Variants in CYP4A11 observed in about 807,000 individuals in gnomAD.
CYP4A11 encodes the protein cytochrome P450 4A11.
A neutral mutation model predicts 57.7 loss-of-function variants in CYP4A11; 52 were observed. The observed-to-expected ratio is 0.90, with a 90% CI of 0.72 to 1.14. The LOEUF (loss-of-function observed/expected upper bound fraction) is 1.14. CYP4A11 is among the 50% of genes most tolerant of loss of function. The pLI is 0.00. For missense variants in CYP4A11, 641 were observed against 642.1 expected (o/e 1.00, Z 0.02); for synonymous variants, 228 against 247.1 (o/e 0.92, Z 0.72).
chr1:46,932,864 T>C lies in CYP4A11; in HGVS notation c.1288-27A>G, dbSNP rs376514503. 1.6e-5 allele frequency: 26 copies of C among 1,613,954 alleles called. No individual in the cohort carries two copies. The African/African-American group carries it at 3.3e-4, about 21-fold the overall frequency. On this transcript the variant is annotated intron_variant, in intron 10 of 11. Coordinates refer to ENST00000310638, the MANE Select transcript of CYP4A11 (RefSeq NM_000778.4). ...TGCAGAGAGAGCACCAGAGCCAGGA[T>C]AGTTAAGGATCCAGCACCTACTTGC...
intron 1 of CYP4A11, 87 bp from the exon 2 acceptor site, chr1:46,938,224 T>C (rs1001324926): frequency 1.7e-5 from 27 of 1,550,406 alleles, no homozygotes; most frequent in South Asian, 1.1e-4. Flanking sequence ...ACAGGAGCCA[T>C]GTAGCGCAGG....
At chr1:46,941,023 C>T (rs966125532) in intron 1 of CYP4A11, 1 of 982,230 alleles carries the variant, frequency 1.0e-6, no homozygotes, top group Admixed American at 6.1e-5. Flanking sequence ...AGAAGGAGGG[C>T]ACGGGTGATA....
At chr1:46,935,196 C>T (rs753758860) in intron 5 of CYP4A11, 42 bp from the exon 6 acceptor site, 2 of 1,588,838 alleles carry the variant, frequency 1.3e-6, no homozygotes, top group East Asian at 2.2e-5. Flanking sequence ...AGGGGTGGGC[C>T]CATTACCCGG....
At chr1:46,936,472 A>G (rs1273537637) in intron 4 of CYP4A11, among the ~76,000 whole-genome samples, 192 bp downstream of exon 4, 1 of 152,246 alleles carries the variant, frequency 6.6e-6, no homozygotes, top group African/African-American at 2.4e-5. Context: ...AAGCGTGGAT[A>G]TGACCTGATG....
At chr1:46,930,626 G>C (rs4660978) in intron 11 of CYP4A11, among the ~76,000 whole-genome samples, 99,598 of 152,048 alleles carry the variant, frequency 0.66, 34,638 homozygotes, top group Non-Finnish European at 0.79. Flanking sequence ...AATAGATAAA[G>C]AGTTAATCAA....
intron 1 of CYP4A11, among the ~76,000 whole-genome samples, chr1:46,938,542 G>T (rs994865034): frequency 4.6e-5 from 7 of 152,124 alleles, no homozygotes; most frequent in African/African-American, 1.4e-4. Flanking sequence ...AATCATACTT[G>T]TTATATTTTC....
chr1:46,935,536 T>G lies in CYP4A11; in HGVS notation c.622A>C (p.Ile208Leu), dbSNP rs551730881. ...GTTGTCACTGACCTGTCCACCTGGA[T>G]GCTGCCCTGATGGCTGAAGGCACAC... is the stretch of plus-strand genomic sequence containing the variant. ...MKCAFSHQGS[I>L]QVDRNSQSYI... Residue 208 changes from isoleucine to leucine, a missense_variant, in exon 5 of 12, where the codon ATC becomes CTC. Ile to Leu is a conservative substitution (Grantham distance 5). Transcript: ENST00000310638. The G allele has an allele frequency of 6.2e-7, 1 of 1,613,958 alleles. No homozygotes were observed. Among genetic ancestry groups the G allele is most frequent in the Admixed American group, 1.7e-5 (1 of 60,020 alleles).
At chr1:46,932,225 T>C (rs1346796279) in intron 11 of CYP4A11, 8 of 997,712 alleles carry the variant, frequency 8.0e-6, no homozygotes, top group African/African-American at 1.7e-5. Context: ...AGGGCTACCT[T>C]AACCTCTCCC....
rs146269651 is a variant in CYP4A11, at chr1:46,936,746, C to T, written c.428G>A (p.Arg143Gln). 2.9e-5 allele frequency: 47 copies of T among 1,613,514 alleles called. No homozygotes were observed. In the African/African-American group the frequency reaches 3.6e-4, roughly 12 times the overall value. The change falls in exon 4 of 12, where the codon CGA becomes CAA. Residue 143 changes from arginine (R) to glutamine (Q), a missense_variant. Arg to Gln is a conservative substitution (Grantham distance 43). Coordinates refer to ENST00000310638, the MANE Select transcript of CYP4A11 (RefSeq NM_000778.4). Reference sequence around the variant, plus strand: ...GTGGAAGGCTGGGGTCAGCATCCGTCGATGCTGGAACCATGTCTGCCCATT... The same window carrying T: ...GTGGAAGGCTGGGGTCAGCATCCGTTGATGCTGGAACCATGTCTGCCCATT... Reference protein sequence around the residue: ...LLNGQTWFQHRRMLTPAFHYD... With the variant: ...LLNGQTWFQHQRMLTPAFHYD...
chr1:46,929,954 G>A lies in CYP4A11; in HGVS notation c.*161C>T, dbSNP rs1680908540. 7 of 1,016,352 alleles carry A rather than the reference G, an allele frequency of 6.9e-6. No individual in the cohort carries two copies. In the South Asian group the frequency reaches 1.1e-4, roughly 16 times the overall value. The allele number at this position is 1,016,352 out of a possible 1,614,324, so 63.0% of individuals were successfully genotyped here. A position where few individuals can be genotyped will look rare whatever the true frequency, so the allele number is the denominator to read the frequency against. On this transcript the variant is annotated 3_prime_UTR_variant, in exon 12 of 12. Coordinates refer to ENST00000310638, the MANE Select transcript of CYP4A11 (RefSeq NM_000778.4). ...GGGTAGGAGACAGGTAGACAAGCAG[G>A]TAGGGAGCCTGGAGAAAGGTGAGAG...
In CYP4A11 at chr1:46,939,873, G is replaced by A. The variant is rs1377732082; in HGVS notation, c.195+1366C>T. Among the ~76,000 whole-genome samples, 3 of 145,542 alleles carry A rather than the reference G, an allele frequency of 2.1e-5. 1 individual carries two copies. Among genetic ancestry groups the A allele is most frequent in the African/African-American group, 7.8e-5 (3 of 38,578 alleles). Reference sequence around the variant, plus strand: ...AGGAGAATGGGAAAGAAGGCAGAGTGGTATTGGGACCAGTCCATATAGGGT... The same window carrying A: ...AGGAGAATGGGAAAGAAGGCAGAGTAGTATTGGGACCAGTCCATATAGGGT... On this transcript the variant is annotated intron_variant, in intron 1 of 11. Coordinates refer to ENST00000310638, the MANE Select transcript of CYP4A11 (RefSeq NM_000778.4).
chr1:46,932,383 C>T, intron 11 of CYP4A11: 3 of 1,109,632 alleles, frequency 2.7e-6, no homozygotes, highest in South Asian at 2.6e-5. Flanking sequence ...GAGAAATCTA[C>T]AGTTTACTAT....
At chr1:46,934,691 G>A (rs1681267205) in intron 6 of CYP4A11, 132 bp from the exon 7 acceptor site, 5 of 1,017,846 alleles carry the variant, frequency 4.9e-6, no homozygotes, top group African/African-American at 1.6e-5. Context: ...GCAGGGTCAG[G>A]GGTGGAAGCT....
intron 9 of CYP4A11, 110 bp from the exon 10 acceptor site, chr1:46,933,157 T>C (rs1352396531): frequency 1.3e-6 from 2 of 1,500,344 alleles, no homozygotes; most frequent in East Asian, 4.5e-5. Flanking sequence ...TTCCACAAAT[T>C]TTCACTTTGA....
rs1010969413 is a variant in CYP4A11, at chr1:46,929,336, T to C, written c.*779A>G. On this transcript the variant is annotated 3_prime_UTR_variant, in exon 12 of 12. Transcript: ENST00000310638. Reference sequence around the variant, plus strand: ...GGGTGGAGATTCAGGGATGTTGGGGTGTTCAGACCCAACACCAGGTCGTGG... The same window carrying C: ...GGGTGGAGATTCAGGGATGTTGGGGCGTTCAGACCCAACACCAGGTCGTGG... The C allele has an allele frequency of 6.6e-6, 1 of 151,682 alleles. No individual in the cohort carries two copies. The highest frequency in any genetic ancestry group is 2.4e-5 in the African/African-American group (1 of 41,200). The allele number at this position is 151,682 out of a possible 1,614,324, so 9.4% of individuals were successfully genotyped here.
chr1:46,930,768 A>C (rs563650847), intron 11 of CYP4A11, among the ~76,000 whole-genome samples: 1 of 152,162 alleles, frequency 6.6e-6, no homozygotes, highest in Non-Finnish European at 1.5e-5. Context: ...CTGAATCCTC[A>C]TAGGGGCCCC....
chr1:46,938,130 T>C lies in CYP4A11; in HGVS notation c.203A>G (p.Gln68Arg). The change falls in exon 2 of 12, where the codon CAG becomes CGG. Residue 68 changes from glutamine to arginine, a missense_variant. Gln to Arg is a conservative substitution (Grantham distance 43). Coordinates refer to ENST00000310638, the MANE Select transcript of CYP4A11 (RefSeq NM_000778.4). ...CTGAATCCGTTGTAGCTCCTGGTCC[T>C]GTTGGAGCTGTCAACAAGGGTAGAC... The part of the protein sequence containing the change: ...WLFGHIQELQ[Q>R]DQELQRIQKW... 3 of 1,614,242 alleles carry C rather than the reference T, an allele frequency of 1.9e-6. No individual in the cohort carries two copies. Among genetic ancestry groups the C allele is most frequent in the Non-Finnish European group, 2.5e-6 (3 of 1,180,040 alleles).
chr1:46,935,839 C>T (rs992580845), intron 4 of CYP4A11, among the ~76,000 whole-genome samples, 192 bp from the exon 5 acceptor site: 10 of 152,242 alleles, frequency 6.6e-5, no homozygotes, highest in East Asian at 3.8e-4. Flanking sequence ...GGTAAACTGA[C>T]GCCTAATTCT....
intron 4 of CYP4A11, among the ~76,000 whole-genome samples, chr1:46,936,357 C>T (rs1463046503): frequency 1.3e-5 from 2 of 152,186 alleles, no homozygotes; most frequent in African/African-American, 2.4e-5. Flanking sequence ...GTCCTACTGT[C>T]CAGCAAGATT....
Sources: gnomAD v4.1 joint callset for allele counts (sites outside exome capture counted in the v4.1 genomes callset) on GRCh38, gnomAD v4.1.1 for gene constraint, MANE v1.5 for transcripts, NCBI Gene and HGNC (gene_info 2026-07-23, HGNC 2026-07-21) for gene names.